Variants in STK17B observed in about 807,000 individuals in gnomAD.
STK17B encodes the protein serine/threonine-protein kinase 17B.
In STK17B, 21 loss-of-function variants were observed where a neutral mutation model predicts 42.0. The ratio of observed to expected loss-of-function variants is 0.50; its 90% confidence interval spans 0.35 to 0.72. The LOEUF is 0.72. Among genes scored for constraint, STK17B ranks in the 30% least tolerant of loss-of-function variants. The probability of loss-of-function intolerance (pLI) is 0.00; values close to 1 mark genes in which losing one functional copy is unlikely to be tolerated. For synonymous variants in STK17B, 143 were observed against 148.4 expected (o/e 0.96, Z 0.26); for missense variants, 349 against 446.0 (o/e 0.78, Z 1.96).
chr2:196,145,744 A>C (rs1034755914), intron 4 of STK17B, among the ~76,000 whole-genome samples, 167 bp downstream of exon 4: 1 of 152,188 alleles, frequency 6.6e-6, no homozygotes, highest in Non-Finnish European at 1.5e-5. Context: ...CTTTCTGCCA[A>C]TATAAAATTA....
Position 196,141,237 on chromosome 2 carries a change from A to G in STK17B, c.656+12T>C. The G allele has an allele frequency of 6.3e-7, 1 of 1,598,944 alleles. No individual in the cohort carries two copies. Among genetic ancestry groups the G allele is most frequent in the Non-Finnish European group, 8.5e-7 (1 of 1,170,028 alleles). ...TCCATAAAGATGTTTAAGGTAACTA[A>G]CAACATCTTACCACATATCTGTTGC... On this transcript the variant is annotated intron_variant, in intron 6 of 7. Transcript: ENST00000263955.
At chr2:196,153,812 T>C (rs936224005) in intron 3 of STK17B, 2 of 152,158 alleles carry the variant, frequency 1.3e-5, no homozygotes, top group South Asian at 2.1e-4. Context: ...TGGCAGAAAC[T>C]GATTAGAACT....
At chr2:196,148,475 G>A (rs1699613932) in intron 3 of STK17B, among the ~76,000 whole-genome samples, 1 of 151,430 alleles carries the variant, frequency 6.6e-6, no homozygotes, top group South Asian at 2.1e-4. Context: ...GCAATCATAA[G>A]CAAATAAGAA....
chr2:196,169,669 T>C (rs1437420606), intron 1 of STK17B, among the ~76,000 whole-genome samples: 1 of 152,208 alleles, frequency 6.6e-6, no homozygotes, highest in African/African-American at 2.4e-5. Context: ...TTCAAATTTG[T>C]TACTCATATG....
At position 196,136,530 on chromosome 2, in the gene STK17B, T is replaced by TTGTATTC. The variant is rs1185889818; in HGVS notation, c.*910_*916dup. 3 of 152,380 alleles carry TTGTATTC rather than the reference T, an allele frequency of 2.0e-5. No homozygotes were observed. The highest frequency in any genetic ancestry group is 2.0e-4 in the Admixed American group (3 of 15,288). The allele number at this position is 152,380 out of a possible 1,614,324, so 9.4% of individuals were successfully genotyped here. On this transcript the variant is annotated 3_prime_UTR_variant, in exon 8 of 8. Coordinates refer to ENST00000263955, the MANE Select transcript of STK17B (RefSeq NM_004226.4). ...ACTTTTAGAACTCTGAATGACTGGC[T>TTGTATTC]TGTATTCTAAGATGCAGAAGACATC... is the stretch of plus-strand genomic sequence containing the variant.
chr2:196,153,097 GT>G (rs1699688558), intron 3 of STK17B: 1 of 151,814 alleles, frequency 6.6e-6, no homozygotes, highest in Non-Finnish European at 1.5e-5. Flanking sequence ...ATTTTTTTAA[GT>G]TTTGAATCAT....
rs148138842 is a variant in STK17B at position 196,170,528 on chromosome 2, C to T, written c.-45+805G>A. Among the ~76,000 whole-genome samples, 655 of 152,300 alleles carry T rather than the reference C, an allele frequency of 4.3e-3. 3 individuals carry two copies. Among genetic ancestry groups the T allele is most frequent in the African/African-American group, 0.014 (596 of 41,544 alleles). ...CCTCTAGTCCAGACAGAAACTAATGCCAGCTACCAGCTGCTATAAAGCCTC... is the reference window on the plus strand; with the variant it reads ...CCTCTAGTCCAGACAGAAACTAATGTCAGCTACCAGCTGCTATAAAGCCTC... On this transcript the variant is annotated intron_variant, in intron 1 of 7. Coordinates refer to ENST00000263955, the MANE Select transcript of STK17B (RefSeq NM_004226.4).
Position 196,143,601 on chromosome 2 carries a change from G to C in STK17B, c.566C>G (p.Ala189Gly), listed in dbSNP as rs1699524113. The change falls in exon 5 of 8, where the codon GCG becomes GGG. Residue 189 changes from alanine to glycine, a missense_variant. Ala to Gly is a moderately conservative substitution (Grantham distance 60, BLOSUM62 0). This residue lies in a region of STK17B where 256 missense variants were observed against 347.7 expected (regional missense o/e 0.74). Coordinates refer to ENST00000263955, the MANE Select transcript of STK17B (RefSeq NM_004226.4). ...DFGMSRKIGHACELREIMGTP... is the reference protein window; with the variant it reads ...DFGMSRKIGHGCELREIMGTP... ...TCCCATGATTTCCCGAAGTTCACAC[G>C]CATGCCCTATTTTTCGAGACATTCC... 4 of 1,606,818 alleles carry C rather than the reference G, an allele frequency of 2.5e-6. No homozygotes were observed. Among genetic ancestry groups the C allele is most frequent in the Non-Finnish European group, 3.4e-6 (4 of 1,176,594 alleles).
chr2:196,156,454 A>G lies in STK17B; in HGVS notation c.320T>C (p.Ile107Thr). ...ATATACTTACTATTCCAATATCAAA[A>G]TGATTTCACTTGTATTTTCATAGAC... The part of the protein sequence containing the change: ...HEVYENTSEI[I>T]LILEYAAGGE... Residue 107 changes from isoleucine (I) to threonine (T), a missense_variant, in exon 3 of 8, where the codon ATT becomes ACT. By Grantham distance (89) the Ile-to-Thr change is moderately conservative (BLOSUM62 -1). Around this residue, in one of 3 missense-constraint regions of STK17B, gnomAD observed 256 missense variants for 347.7 expected, o/e 0.74. Coordinates refer to ENST00000263955, the MANE Select transcript of STK17B (RefSeq NM_004226.4). 1 of 1,613,414 alleles carries G rather than the reference A, an allele frequency of 6.2e-7. No homozygotes were observed. The highest frequency in any genetic ancestry group is 1.3e-5 in the African/African-American group (1 of 75,012).
At chr2:196,147,989 A>G (rs1699607200) in intron 3 of STK17B, among the ~76,000 whole-genome samples, 1 of 152,068 alleles carries the variant, frequency 6.6e-6, no homozygotes, top group Admixed American at 6.5e-5. Flanking sequence ...TGGCCTCCCA[A>G]AGTGTTGGGA....
At chr2:196,167,289 G>T (rs1699885356) in intron 1 of STK17B, among the ~76,000 whole-genome samples, 1 of 152,094 alleles carries the variant, frequency 6.6e-6, no homozygotes, top group Non-Finnish European at 1.5e-5. Context: ...GTGTTTAAAG[G>T]GCAGCATCCT....
Position 196,135,984 on chromosome 2 carries a change from C to A in STK17B, c.*1463G>T, listed in dbSNP as rs1699398318. ...AAATGCTGAAGACATTAAAGGAATTCACCATGTGGTCAAATAAAGTGACCT... is the reference window on the plus strand; with the variant it reads ...AAATGCTGAAGACATTAAAGGAATTAACCATGTGGTCAAATAAAGTGACCT... On this transcript the variant is annotated 3_prime_UTR_variant, in exon 8 of 8. Transcript: ENST00000263955. The A allele has an allele frequency of 6.6e-6, 1 of 151,998 alleles. No individual in the cohort carries two copies. The highest frequency in any genetic ancestry group is 6.6e-5 in the Admixed American group (1 of 15,256). The allele number at this position is 151,998 out of a possible 1,614,324, so 9.4% of individuals were successfully genotyped here. A position where few individuals can be genotyped will look rare whatever the true frequency, so the allele number is the denominator to read the frequency against.
intron 3 of STK17B, chr2:196,154,983 G>A (rs566580498): frequency 2.6e-5 from 4 of 152,282 alleles, no homozygotes; most frequent in South Asian, 2.1e-4. Flanking sequence ...TCAATTTTCC[G>A]GAGTATGAAC....
intron 3 of STK17B, among the ~76,000 whole-genome samples, chr2:196,152,201 G>A (rs1699674702): frequency 6.6e-6 from 1 of 151,622 alleles, no homozygotes; most frequent in South Asian, 2.1e-4. Flanking sequence ...CTGCCTCCCA[G>A]GTTCAAGCAA....
chr2:196,160,207 C>CATTCCCCTTCTGT (rs1699793554), intron 2 of STK17B, among the ~76,000 whole-genome samples: 1 of 152,112 alleles, frequency 6.6e-6, no homozygotes, highest in Non-Finnish European at 1.5e-5. Flanking sequence ...TACCCTTCTG[C>CATTCCCCTTCTGT]ATTCCCCTTC....
intron 1 of STK17B, chr2:196,165,759 T>C (rs1003574756): frequency 6.6e-6 from 1 of 152,230 alleles, no homozygotes; most frequent in Admixed American, 6.5e-5. Flanking sequence ...AATTAAAATA[T>C]GCTGAACTCA....
intron 3 of STK17B, among the ~76,000 whole-genome samples, chr2:196,147,645 A>AG (rs1241049086): frequency 6.6e-6 from 1 of 152,328 alleles, no homozygotes; most frequent in African/African-American, 2.4e-5. Flanking sequence ...ACAGCTTATA[A>AG]GGAATACACG....
At chr2:196,158,285 G>A (rs563605890) in intron 2 of STK17B, among the ~76,000 whole-genome samples, 1 of 152,222 alleles carries the variant, frequency 6.6e-6, no homozygotes, top group Non-Finnish European at 1.5e-5. Flanking sequence ...ATGACAAAGA[G>A]TCCTACTTTT....
intron 5 of STK17B, among the ~76,000 whole-genome samples, 165 bp from the exon 6 acceptor site, chr2:196,141,462 C>T (rs1242417932): frequency 2.0e-5 from 3 of 152,132 alleles, no homozygotes; most frequent in Admixed American, 1.3e-4. Flanking sequence ...AGTTCGAGAC[C>T]AGCCTGGCTA....
Sources: allele counts gnomAD v4.1 joint callset (sites outside exome capture counted in the v4.1 genomes callset), GRCh38; gene constraint gnomAD v4.1.1; regional missense constraint gnomAD v4.1.1; transcripts MANE v1.5; gene names NCBI Gene and HGNC (gene_info 2026-07-23, HGNC 2026-07-21).